CDH13: variants seen among roughly 807,000 people sequenced by gnomAD.
CDH13 encodes the protein cadherin 13.
Under a neutral mutation model 63.8 loss-of-function variants are expected in CDH13, and 24 were observed. That is an observed-to-expected ratio of 0.38 (90% CI 0.27 to 0.53). The LOEUF (loss-of-function observed/expected upper bound fraction) is 0.53, where lower values mean the gene tolerates loss of function less well. CDH13 is among the 20% of genes least tolerant of loss of function. The pLI, the probability that CDH13 is intolerant of heterozygous loss-of-function variation, is 0.85. For synonymous variants in CDH13, 503 were observed against 355.3 expected (o/e 1.42, Z -4.67); for missense variants, 1,049 against 903.1 (o/e 1.16, Z -2.07).
chr16:83,542,921 T>C (rs1445252329), intron 7 of CDH13, among the ~76,000 whole-genome samples: 1 of 152,214 alleles, frequency 6.6e-6, no homozygotes, highest in East Asian at 1.9e-4. Context: ...TTCTGAGATA[T>C]TAAGGGCTAA....
intron 5 of CDH13, among the ~76,000 whole-genome samples, chr16:83,311,207 G>A (rs1471534993): frequency 6.6e-6 from 1 of 152,148 alleles, no homozygotes; most frequent in African/African-American, 2.4e-5. Flanking sequence ...TTCATCTGAA[G>A]TCTTGGTTGT....
intron 1 of CDH13, among the ~76,000 whole-genome samples, chr16:82,697,423 C>CTTTTTTT (rs34376129): frequency 8.4e-3 from 462 of 54,850 alleles, no homozygotes; most frequent in Middle Eastern, 0.013. Context: ...TTTCTTTTTT[C>CTTTTTTT]TTTTTTTTTT....
chr16:82,703,914 TGTGGCATCC>T (rs2031263747), intron 1 of CDH13, among the ~76,000 whole-genome samples: 1 of 152,212 alleles, frequency 6.6e-6, no homozygotes, highest in Non-Finnish European at 1.5e-5. Context: ...CAGGAATTCC[TGTGGCATCC>T]GTGTTATAGA....
At chr16:83,097,248 T>G (rs559040846) in intron 3 of CDH13, among the ~76,000 whole-genome samples, 1 of 152,318 alleles carries the variant, frequency 6.6e-6, no homozygotes, top group East Asian at 1.9e-4. Context: ...GCTCATAGGA[T>G]AAGAATTCTT....
chr16:82,993,202 G>A (rs1334335815), intron 2 of CDH13, among the ~76,000 whole-genome samples: 1 of 152,082 alleles, frequency 6.6e-6, no homozygotes, highest in Admixed American at 6.6e-5. Flanking sequence ...TATTCTTTGT[G>A]GGTTAATTTC....
At chr16:83,226,317 ATTAT>A (rs1567520823) in intron 5 of CDH13, among the ~76,000 whole-genome samples, 1 of 152,308 alleles carries the variant, frequency 6.6e-6, no homozygotes, top group African/African-American at 2.4e-5. Context: ...CTTCTGACTG[ATTAT>A]TTATTTGGTC....
At chr16:82,628,492 G>C (rs1367488302) in intron 1 of CDH13, among the ~76,000 whole-genome samples, 1 of 152,106 alleles carries the variant, frequency 6.6e-6, no homozygotes, top group East Asian at 1.9e-4. Context: ...TTTGGAAATG[G>C]GCTAACATCT....
intron 6 of CDH13, among the ~76,000 whole-genome samples, chr16:83,348,053 G>A (rs567805847): frequency 2.6e-4 from 39 of 152,214 alleles, no homozygotes; most frequent in African/African-American, 8.9e-4. Context: ...AGCCGGGTGC[G>A]GTGGTGGGTG....
chr16:83,034,734 C>T (rs1399055231), intron 3 of CDH13, among the ~76,000 whole-genome samples: 1 of 152,134 alleles, frequency 6.6e-6, no homozygotes, highest in African/African-American at 2.4e-5. Flanking sequence ...AGCAGAAGAT[C>T]TTCTGGGCAG....
At chr16:83,121,481 C>T (rs769280472) in intron 3 of CDH13, among the ~76,000 whole-genome samples, 52 of 152,090 alleles carry the variant, frequency 3.4e-4, no homozygotes, top group Non-Finnish European at 5.9e-4. Flanking sequence ...GCACATTGGC[C>T]AGCATACGCT....
chr16:83,782,572 C>G (rs1809608104), intron 12 of CDH13, among the ~76,000 whole-genome samples: 3 of 151,906 alleles, frequency 2.0e-5, no homozygotes, highest in Non-Finnish European at 2.9e-5. Flanking sequence ...CCCATCAGTA[C>G]TAAATATACA....
At chr16:83,075,406 G>A (rs901318405) in intron 3 of CDH13, among the ~76,000 whole-genome samples, 2 of 152,152 alleles carry the variant, frequency 1.3e-5, no homozygotes, top group African/African-American at 4.8e-5. Context: ...ATGTGAGCTG[G>A]GTTCTTCTTT....
At position 83,704,934 on chromosome 16, in the gene CDH13, A is replaced by C. The variant is rs545092110; in HGVS notation, c.1538+26473A>C. ...TGCTCCCTGGAGTTGAACTCCAACA[A>C]TCATTTAAAAACTTTTGTTTCCAAT... On this transcript the variant is annotated intron_variant, in intron 10 of 13. Coordinates refer to ENST00000567109, the MANE Select transcript of CDH13 (RefSeq NM_001257.5). Among the ~76,000 whole-genome samples, 4 of 152,304 alleles carry C rather than the reference A, an allele frequency of 2.6e-5. No homozygotes were observed. In the South Asian group the frequency reaches 8.3e-4, roughly 32 times the overall value.
At chr16:82,931,445 G>A (rs1427202115) in intron 2 of CDH13, among the ~76,000 whole-genome samples, 7 of 151,922 alleles carry the variant, frequency 4.6e-5, no homozygotes, top group Non-Finnish European at 5.9e-5. Context: ...TTGATGCTAT[G>A]GGCATAAATG....
intron 6 of CDH13, among the ~76,000 whole-genome samples, chr16:83,432,127 T>C (rs909416489): frequency 1.3e-5 from 2 of 152,010 alleles, no homozygotes; most frequent in Non-Finnish European, 2.9e-5. Context: ...CTGTTGAGAG[T>C]GGTCAGATTG....
chr16:82,929,665 A>AAAAAAAAAAAAAC, intron 2 of CDH13, among the ~76,000 whole-genome samples: 1 of 143,346 alleles, frequency 7.0e-6, no homozygotes, highest in Non-Finnish European at 1.5e-5. Flanking sequence ...AAAAAAAAAA[A>AAAAAAAAAAAAAC]AAAAAAAAAA....
intron 7 of CDH13, among the ~76,000 whole-genome samples, chr16:83,518,457 GT>G (rs199520839): frequency 2.9e-5 from 4 of 139,786 alleles, no homozygotes; most frequent in Middle Eastern, 5.0e-3. Context: ...GATGTGATGG[GT>G]TTTTTTTTGT....
intron 4 of CDH13, among the ~76,000 whole-genome samples, chr16:83,186,915 C>T (rs187649426): frequency 1.6e-4 from 25 of 152,010 alleles, no homozygotes; most frequent in East Asian, 9.7e-4. Context: ...AGATGGGAGA[C>T]GGAGATATTT....
At chr16:83,051,167 C>G (rs1257175049) in intron 3 of CDH13, among the ~76,000 whole-genome samples, 1 of 152,202 alleles carries the variant, frequency 6.6e-6, no homozygotes, top group African/African-American at 2.4e-5. Flanking sequence ...TGTCAGTCTT[C>G]CCATGCTTAC....
Sources: gnomAD v4.1 joint callset for allele counts (sites outside exome capture counted in the v4.1 genomes callset) on GRCh38, gnomAD v4.1.1 for gene constraint, MANE v1.5 for transcripts, NCBI Gene and HGNC (gene_info 2026-07-23, HGNC 2026-07-21) for gene names.